NRXN1: variants seen among roughly 807,000 people sequenced by gnomAD.
NRXN1 encodes the protein neurexin 1, also known as neurexin-1.
A neutral mutation model predicts 150.9 loss-of-function variants in NRXN1; 39 were observed. The observed-to-expected ratio is 0.26, with a 90% CI of 0.20 to 0.34. The LOEUF is 0.34. Among genes scored for constraint, NRXN1 ranks in the 10% least tolerant of loss-of-function variants. The pLI, the probability that NRXN1 is intolerant of heterozygous loss-of-function variation, is 1.00. For synonymous variants in NRXN1, 924 were observed against 757.0 expected (o/e 1.22, Z -3.62); for missense variants, 1,815 against 1,949.9 (o/e 0.93, Z 1.30).
intron 21 of NRXN1, among the ~76,000 whole-genome samples, chr2:49,993,170 G>A (rs1592727): frequency 0.47 from 71,731 of 151,960 alleles, 17,511 homozygotes; most frequent in Middle Eastern, 0.6. Context: ...GGTATTCTTC[G>A]GTAAGTAAAC....
chr2:49,965,724 C>T (rs1037363672), intron 21 of NRXN1, among the ~76,000 whole-genome samples: 4 of 152,056 alleles, frequency 2.6e-5, no homozygotes, highest in African/African-American at 9.7e-5. Context: ...TTTACTTTTC[C>T]ACAAATCTTT....
intron 5 of NRXN1, chr2:50,917,799 T>C (rs1330053367): frequency 1.3e-5 from 2 of 151,644 alleles, no homozygotes; most frequent in Non-Finnish European, 3.0e-5. Context: ...ACTTACAAGC[T>C]ACCCAGTTTA....
chr2:50,121,234 G>C (rs1307344174), intron 18 of NRXN1, among the ~76,000 whole-genome samples: 1 of 152,160 alleles, frequency 6.6e-6, no homozygotes, highest in Non-Finnish European at 1.5e-5. Flanking sequence ...TGTTGGCCAG[G>C]CTGGTCTCGA....
intron 5 of NRXN1, among the ~76,000 whole-genome samples, chr2:50,633,641 T>G (rs541448571): frequency 2.0e-5 from 3 of 152,032 alleles, no homozygotes; most frequent in Admixed American, 1.3e-4. Context: ...TTCTTCACAG[T>G]AGGAGCACAA....
At chr2:50,985,360 G>A (rs1697525323) in intron 2 of NRXN1, 1 of 151,736 alleles carries the variant, frequency 6.6e-6, no homozygotes, top group Non-Finnish European at 1.5e-5. Context: ...CTGAGAAATG[G>A]GAATAAAAAT....
At chr2:49,937,480 T>G (rs183226434) in intron 22 of NRXN1, among the ~76,000 whole-genome samples, 1 of 152,344 alleles carries the variant, frequency 6.6e-6, no homozygotes, top group South Asian at 2.1e-4. Flanking sequence ...AAATCTCTTC[T>G]ACTTTAACCA....
chr2:50,603,792 T>C (rs889064481), intron 8 of NRXN1, among the ~76,000 whole-genome samples: 1 of 152,170 alleles, frequency 6.6e-6, no homozygotes, highest in Non-Finnish European at 1.5e-5. Flanking sequence ...CTAGTGCTCA[T>C]AGAAGTTGAA....
chr2:50,569,623 C>G (rs965043643), intron 8 of NRXN1, among the ~76,000 whole-genome samples: 3 of 152,014 alleles, frequency 2.0e-5, no homozygotes. Flanking sequence ...AACTTAAGAA[C>G]TGCAATCCAT....
intron 1 of NRXN1, among the ~76,000 whole-genome samples, chr2:51,031,667 G>A (rs1053523348): frequency 3.9e-5 from 6 of 152,140 alleles, no homozygotes; most frequent in African/African-American, 1.4e-4. Context: ...TGGGGCTGAT[G>A]AGGTAGGGAA....
At chr2:50,736,940 T>G (rs1012900026) in intron 5 of NRXN1, among the ~76,000 whole-genome samples, 5 of 152,048 alleles carry the variant, frequency 3.3e-5, no homozygotes, top group African/African-American at 1.2e-4. Flanking sequence ...TAAATGGATA[T>G]TATAGTGGTA....
intron 5 of NRXN1, among the ~76,000 whole-genome samples, chr2:50,916,630 A>C (rs1685252384): frequency 6.6e-6 from 1 of 151,660 alleles, no homozygotes; most frequent in Admixed American, 6.6e-5. Context: ...CTAAGTTTCT[A>C]TTCATACCAC....
chr2:50,796,534 G>A (rs1249956834), intron 5 of NRXN1, among the ~76,000 whole-genome samples: 1 of 152,090 alleles, frequency 6.6e-6, no homozygotes, highest in Non-Finnish European at 1.5e-5. Flanking sequence ...TTAATTCTCT[G>A]AGGCCTAAAG....
chr2:50,013,860 T>C (rs1281627293), intron 21 of NRXN1, among the ~76,000 whole-genome samples: 2 of 152,122 alleles, frequency 1.3e-5, no homozygotes, highest in African/African-American at 4.8e-5. Flanking sequence ...AGAAATTACA[T>C]CATTTGGGTA....
At chr2:50,915,544 G>A (rs1685097608) in intron 5 of NRXN1, among the ~76,000 whole-genome samples, 1 of 151,564 alleles carries the variant, frequency 6.6e-6, no homozygotes, top group Non-Finnish European at 1.5e-5. Flanking sequence ...AATTTTGATT[G>A]AGGATAATCA....
chr2:50,587,831 T>G (rs1170687420), intron 8 of NRXN1, among the ~76,000 whole-genome samples: 2 of 152,086 alleles, frequency 1.3e-5, no homozygotes, highest in Non-Finnish European at 1.5e-5. Flanking sequence ...AGAATCAATG[T>G]TGATGGTTTG....
At chr2:50,470,086 A>C (rs562686158) in intron 16 of NRXN1, among the ~76,000 whole-genome samples, 1 of 151,562 alleles carries the variant, frequency 6.6e-6, no homozygotes, top group African/African-American at 2.4e-5. Flanking sequence ...TGCTCTCACC[A>C]TTTCTTGTAG....
intron 15 of NRXN1, among the ~76,000 whole-genome samples, chr2:50,485,313 T>G (rs2090787623): frequency 6.6e-6 from 1 of 152,050 alleles, no homozygotes; most frequent in Admixed American, 6.5e-5. Flanking sequence ...CTCAGCTACA[T>G]TAAGGAAATA....
intron 5 of NRXN1, among the ~76,000 whole-genome samples, chr2:50,800,632 C>A (rs1298352493): frequency 2.0e-5 from 3 of 152,110 alleles, no homozygotes; most frequent in Non-Finnish European, 4.4e-5. Flanking sequence ...TCACTGCAAC[C>A]TCCACCTCCC....
At chr2:50,418,642 C>G (rs1012298280) in intron 17 of NRXN1, among the ~76,000 whole-genome samples, 2 of 151,966 alleles carry the variant, frequency 1.3e-5, no homozygotes, top group Non-Finnish European at 2.9e-5. Context: ...AAAAGGCATA[C>G]CCTTGTACAG....
Sources: gnomAD v4.1 joint callset for allele counts (sites outside exome capture counted in the v4.1 genomes callset) on GRCh38, gnomAD v4.1.1 for gene constraint, MANE v1.5 for transcripts, NCBI Gene and HGNC (gene_info 2026-07-23, HGNC 2026-07-21) for gene names.